ADAMTSL3: variants seen among roughly 807,000 people sequenced by gnomAD.
ADAMTSL3 encodes ADAMTS like 3, also known as ADAMTS-like protein 3.
Under a neutral mutation model 201.7 loss-of-function variants are expected in ADAMTSL3, and 128 were observed. The observed-to-expected ratio is 0.63, with a 90% CI of 0.55 to 0.73. The LOEUF is 0.73. Among genes scored for constraint, ADAMTSL3 ranks in the 30% least tolerant of loss-of-function variants. ADAMTSL3 has a pLI of 0.00. For missense variants in ADAMTSL3, 1,990 were observed against 2,119.6 expected (o/e 0.94, Z 1.20); for synonymous variants, 738 against 748.4 (o/e 0.99, Z 0.23).
intron 19 of ADAMTSL3, chr15:83,961,727 G>C (rs1275506081): frequency 6.6e-6 from 1 of 152,198 alleles, no homozygotes; most frequent in Admixed American, 6.6e-5. Flanking sequence ...CCTTGAAAAA[G>C]CTGTAGGGCC....
At chr15:83,949,039 T>A (rs1274786627) in intron 19 of ADAMTSL3, among the ~76,000 whole-genome samples, 1 of 152,120 alleles carries the variant, frequency 6.6e-6, no homozygotes, top group Non-Finnish European at 1.5e-5. Flanking sequence ...TTAATTATTT[T>A]AAAAATGCAA....
At chr15:83,662,500 G>A (rs2061185279) in intron 2 of ADAMTSL3, among the ~76,000 whole-genome samples, 1 of 147,522 alleles carries the variant, frequency 6.8e-6, no homozygotes, top group Admixed American at 6.9e-5. Flanking sequence ...CAGCGCACCA[G>A]CATGGCACAT....
chr15:83,990,263 C>T (rs2067558653), intron 22 of ADAMTSL3, among the ~76,000 whole-genome samples: 1 of 152,136 alleles, frequency 6.6e-6, no homozygotes, highest in African/African-American at 2.4e-5. Context: ...CATCTTTCTC[C>T]AGTACAGCTT....
In ADAMTSL3 at chr15:83,808,300, TA is replaced by T. The variant is rs2063635398; in HGVS notation, c.363+3607del. Reference sequence around the variant, plus strand: ...CAATAGCAAAGAAACCCAAAACAAATAATTTGATTTAAAAATGGGCAAAAGG... The same window carrying T: ...CAATAGCAAAGAAACCCAAAACAAATATTTGATTTAAAAATGGGCAAAAGG... On this transcript the variant is annotated intron_variant, in intron 5 of 29. Coordinates refer to ENST00000286744, the MANE Select transcript of ADAMTSL3 (RefSeq NM_207517.3). 2.6e-5 allele frequency among the ~76,000 whole-genome samples: 4 copies of T among 152,148 alleles called. No individual in the cohort carries two copies. In the South Asian group the frequency reaches 8.3e-4, roughly 32 times the overall value.
At chr15:83,816,085 C>T (rs555720553) in intron 5 of ADAMTSL3, among the ~76,000 whole-genome samples, 40 of 152,292 alleles carry the variant, frequency 2.6e-4, no homozygotes, top group African/African-American at 8.9e-4. Flanking sequence ...GGGCCTGGAG[C>T]CAGAAATCAG....
intron 3 of ADAMTSL3, among the ~76,000 whole-genome samples, chr15:83,715,398 G>A (rs745443527): frequency 4.6e-5 from 7 of 152,140 alleles, no homozygotes; most frequent in Non-Finnish European, 8.8e-5. Flanking sequence ...TGGATTATGT[G>A]GAAATTAACA....
chr15:84,022,778 G>A (rs1163734700), intron 26 of ADAMTSL3, among the ~76,000 whole-genome samples: 1 of 152,114 alleles, frequency 6.6e-6, no homozygotes, highest in Non-Finnish European at 1.5e-5. Context: ...TTTATCGCTT[G>A]TCTCTCCCAC....
intron 4 of ADAMTSL3, among the ~76,000 whole-genome samples, chr15:83,780,271 A>T (rs1055681570): frequency 1.3e-5 from 2 of 151,932 alleles, no homozygotes; most frequent in African/African-American, 4.8e-5. Context: ...TTAGCTGGGC[A>T]TGGTGGCGGG....
intron 17 of ADAMTSL3, among the ~76,000 whole-genome samples, chr15:83,929,543 G>A (rs904094202): frequency 1.3e-5 from 2 of 152,124 alleles, no homozygotes; most frequent in East Asian, 1.9e-4. Flanking sequence ...ACTTATTTCC[G>A]AATAAGGTCA....
At chr15:83,798,020 G>A (rs868739795) in intron 4 of ADAMTSL3, among the ~76,000 whole-genome samples, 4 of 152,118 alleles carry the variant, frequency 2.6e-5, no homozygotes, top group South Asian at 2.1e-4. Flanking sequence ...TTATAAATGG[G>A]ATTCCTACAG....
At chr15:83,966,823 A>T (rs1300080028) in intron 19 of ADAMTSL3, among the ~76,000 whole-genome samples, 1 of 152,118 alleles carries the variant, frequency 6.6e-6, no homozygotes, top group Admixed American at 6.6e-5. Flanking sequence ...CATCAAAAAG[A>T]TTATCCACCA....
chr15:84,005,197 G>A (rs1596526611), intron 23 of ADAMTSL3, among the ~76,000 whole-genome samples: 1 of 152,160 alleles, frequency 6.6e-6, no homozygotes, highest in African/African-American at 2.4e-5. Flanking sequence ...AGTCCTCTGG[G>A]GTTTTGCTGG....
chr15:83,690,459 A>ATGC (rs199959362), intron 2 of ADAMTSL3, among the ~76,000 whole-genome samples: 30 of 152,168 alleles, frequency 2.0e-4, no homozygotes, highest in Admixed American at 9.8e-4. Flanking sequence ...GTTGTTCATT[A>ATGC]TGCCCCTGTT....
intron 4 of ADAMTSL3, among the ~76,000 whole-genome samples, chr15:83,789,744 C>G (rs1404435456): frequency 6.6e-6 from 1 of 151,984 alleles, no homozygotes; most frequent in Non-Finnish European, 1.5e-5. Flanking sequence ...TTAGTTGTAC[C>G]CAGTTATCTC....
At chr15:83,737,508 G>C (rs187458384) in intron 3 of ADAMTSL3, among the ~76,000 whole-genome samples, 2 of 152,098 alleles carry the variant, frequency 1.3e-5, no homozygotes, top group Non-Finnish European at 2.9e-5. Flanking sequence ...CTGCCACCAC[G>C]TATGACATGC....
chr15:83,850,318 T>C (rs1258063333), intron 7 of ADAMTSL3, among the ~76,000 whole-genome samples: 1 of 152,018 alleles, frequency 6.6e-6, no homozygotes, highest in Non-Finnish European at 1.5e-5. Context: ...TTATCTTCTT[T>C]CACTGTCTCT....
chr15:84,025,115 A>G, intron 26 of ADAMTSL3, 123 bp from the exon 27 acceptor site: 1 of 761,756 alleles, frequency 1.3e-6, no homozygotes, highest in Non-Finnish European at 2.1e-6. Flanking sequence ...TCCCATTCCC[A>G]TAGAGACATG....
rs761576421 is a variant in ADAMTSL3, at chr15:83,704,527, G to T, written c.189+19G>T. On this transcript the variant is annotated intron_variant, in intron 3 of 29. Transcript: ENST00000286744. ...TGACCAGGTAAGAACATTGGACAAG[G>T]ATCTACCTTTGGCTTTGCTGTTTGC... 9.3e-6 allele frequency: 15 copies of T among 1,613,434 alleles called. No individual in the cohort carries two copies. In the East Asian group the frequency reaches 2.9e-4, roughly 31 times the overall value.
At chr15:83,802,346 TCCC>T (rs1439103763) in intron 4 of ADAMTSL3, among the ~76,000 whole-genome samples, 1 of 152,038 alleles carries the variant, frequency 6.6e-6, no homozygotes, top group Non-Finnish European at 1.5e-5. Flanking sequence ...GACTCAGAAA[TCCC>T]ACTTCTAGGT....
Sources: gnomAD v4.1 joint callset for allele counts (sites outside exome capture counted in the v4.1 genomes callset) on GRCh38, gnomAD v4.1.1 for gene constraint, MANE v1.5 for transcripts, NCBI Gene and HGNC (gene_info 2026-07-23, HGNC 2026-07-21) for gene names.